PLCL2: variants seen among roughly 807,000 people sequenced by gnomAD.
The protein encoded by PLCL2 is inactive phospholipase C-like protein 2.
PLCL2 carries 4 observed loss-of-function variants against 79.6 expected under a neutral mutation model. That is an observed-to-expected ratio of 0.05 (90% CI 0.02 to 0.11). The LOEUF is 0.11. PLCL2 is among the 10% of genes least tolerant of loss of function. PLCL2 has a pLI of 1.00. For missense variants in PLCL2, 895 were observed against 1,291.0 expected (o/e 0.69, Z 4.70); for synonymous variants, 484 against 457.7 (o/e 1.06, Z -0.73).
chr3:17,027,850 A>C (rs1161913472), intron 3 of PLCL2, among the ~76,000 whole-genome samples: 2 of 152,216 alleles, frequency 1.3e-5, no homozygotes, highest in African/African-American at 4.8e-5. Flanking sequence ...CAAGAGGTGG[A>C]AACTAAAAGA....
chr3:17,051,382 C>T (rs2124928778), intron 4 of PLCL2, among the ~76,000 whole-genome samples: 1 of 152,144 alleles, frequency 6.6e-6, no homozygotes, highest in South Asian at 2.1e-4. Flanking sequence ...TTATGCATTA[C>T]ATGCCTGTAT....
intron 5 of PLCL2, among the ~76,000 whole-genome samples, chr3:17,081,831 T>G (rs2065165406): frequency 6.6e-6 from 1 of 152,238 alleles, no homozygotes; most frequent in African/African-American, 2.4e-5. Flanking sequence ...TAGTTACATC[T>G]TTTAAAGATT....
chr3:16,958,934 G>A (rs908210392), intron 1 of PLCL2, among the ~76,000 whole-genome samples: 3 of 152,044 alleles, frequency 2.0e-5, no homozygotes, highest in Non-Finnish European at 4.4e-5. Context: ...TCCCTCTTTT[G>A]GGATTAGTTA....
At chr3:17,001,281 T>C (rs966698575) in intron 1 of PLCL2, among the ~76,000 whole-genome samples, 1 of 152,006 alleles carries the variant, frequency 6.6e-6, no homozygotes, top group Non-Finnish European at 1.5e-5. Flanking sequence ...TAATGCCTCA[T>C]TGGACAGTTT....
intron 1 of PLCL2, among the ~76,000 whole-genome samples, chr3:16,995,000 G>C (rs918806745): frequency 1.3e-5 from 2 of 152,262 alleles, no homozygotes; most frequent in Admixed American, 1.3e-4. Flanking sequence ...GCACAGGCCA[G>C]TGCCTGCAGG....
Position 17,061,552 on chromosome 3 carries a change from A to G in PLCL2, c.3095-6404A>G, listed in dbSNP as rs141230571. Among the ~76,000 whole-genome samples, 5 of 152,234 alleles carry G rather than the reference A, an allele frequency of 3.3e-5. No individual in the cohort carries two copies. The East Asian group carries it at 9.6e-4, about 29-fold the overall frequency. The stretch of plus-strand genomic sequence containing the variant: ...TTAAGCTTTTAAGCCCTTCAGGAAA[A>G]AACTATTTAAAATATTTAAATTATA... On this transcript the variant is annotated intron_variant, in intron 4 of 5. Coordinates refer to ENST00000615277, the MANE Select transcript of PLCL2 (RefSeq NM_001144382.2).
chr3:17,049,170 T>G, intron 4 of PLCL2, among the ~76,000 whole-genome samples: 1 of 152,116 alleles, frequency 6.6e-6, no homozygotes, highest in East Asian at 1.9e-4. Flanking sequence ...AAGGCACACC[T>G]ATAGACTAAT....
At chr3:16,999,856 T>G (rs1402560722) in intron 1 of PLCL2, among the ~76,000 whole-genome samples, 4 of 152,232 alleles carry the variant, frequency 2.6e-5, no homozygotes, top group Admixed American at 2.6e-4. Context: ...TTTCCCAGAT[T>G]GTCATTTCTC....
At chr3:17,037,342 G>A (rs757119013) in intron 3 of PLCL2, among the ~76,000 whole-genome samples, 1 of 152,124 alleles carries the variant, frequency 6.6e-6, no homozygotes, top group Non-Finnish European at 1.5e-5. Context: ...AGGGCCAGGT[G>A]TATACTGCAC....
chr3:16,890,596 A>G (rs1696323311), intron 1 of PLCL2, among the ~76,000 whole-genome samples: 1 of 152,206 alleles, frequency 6.6e-6, no homozygotes, highest in African/African-American at 2.4e-5. Flanking sequence ...CCTTCTTAAT[A>G]CTAAGTTTTG....
In PLCL2 at chr3:16,956,597, A is replaced by T. The variant is rs2063708107; in HGVS notation, c.328-53077A>T. On this transcript the variant is annotated intron_variant, in intron 1 of 5. Coordinates refer to ENST00000615277, the MANE Select transcript of PLCL2 (RefSeq NM_001144382.2). ...TTCTATTGATTGGAATAGTTTCAGA[A>T]GGAATGGTACCAGCTCCTCCTTGTA... Among the ~76,000 whole-genome samples, 3 of 152,178 alleles carry T rather than the reference A, an allele frequency of 2.0e-5. No homozygotes were observed. In the South Asian group the frequency reaches 6.2e-4, roughly 32 times the overall value.
chr3:16,981,150 G>GGGGAGAGGGAGAGGGAGACTCGGGGGAGA (rs2063992809), intron 1 of PLCL2, among the ~76,000 whole-genome samples: 1 of 150,546 alleles, frequency 6.6e-6, no homozygotes, highest in Admixed American at 6.6e-5. Context: ...GGGAGACTCG[G>GGGGAGAGGGAGAGGGAGACTCGGGGGAGA]GGGAGAGGGA....
chr3:16,956,722 G>A (rs1232283763), intron 1 of PLCL2, among the ~76,000 whole-genome samples: 51 of 152,232 alleles, frequency 3.4e-4, no homozygotes, highest in African/African-American at 4.8e-4. Context: ...TTATTGGTCT[G>A]TTCAGAGATT....
chr3:16,907,239 T>TA (rs961759731), intron 1 of PLCL2, among the ~76,000 whole-genome samples: 3 of 152,136 alleles, frequency 2.0e-5, no homozygotes, highest in African/African-American at 7.2e-5. Context: ...CATGATAGTC[T>TA]AAAAAAATAG....
chr3:16,915,612 C>G (rs1450438150), intron 1 of PLCL2, among the ~76,000 whole-genome samples: 1 of 152,028 alleles, frequency 6.6e-6, no homozygotes, highest in East Asian at 1.9e-4. Flanking sequence ...TTTTTTTCCT[C>G]TTCTTATTCA....
chr3:17,010,284 A>C lies in PLCL2; in HGVS notation c.938A>C (p.Lys313Thr), dbSNP rs779371103. ...ACGAGCAAAATTGAGCTTAAGTTCA[A>C]AGAATTGCATAAATCAAAGGACAAA... ...LKTSKIELKF[K>T]ELHKSKDKAG... The change falls in exon 2 of 6, where the codon AAA becomes ACA. Residue 313 changes from lysine (K) to threonine (T), a missense_variant. Transcript: ENST00000615277. This position sits in a 1 kb window ranked among gnomAD's most constrained non-coding sequence, Gnocchi z 5.8. 3.1e-6 allele frequency: 5 copies of C among 1,614,102 alleles called. No individual in the cohort carries two copies. The highest frequency in any genetic ancestry group is 4.2e-6 in the Non-Finnish European group (5 of 1,179,976).
At chr3:16,980,900 G>T (rs990875569) in intron 1 of PLCL2, among the ~76,000 whole-genome samples, 3 of 152,250 alleles carry the variant, frequency 2.0e-5, no homozygotes, top group Non-Finnish European at 4.4e-5. Flanking sequence ...TCGGGAGGCC[G>T]AGGCTGGCGG....
intron 1 of PLCL2, among the ~76,000 whole-genome samples, chr3:16,965,405 G>A (rs1369714047): frequency 2.0e-5 from 3 of 152,128 alleles, no homozygotes; most frequent in Non-Finnish European, 4.4e-5. Flanking sequence ...CCAGTACCAT[G>A]CTGTTTTGGT....
rs546612778 is a variant in PLCL2 at position 17,014,415 on chromosome 3, A to G, written c.2815-293A>G. Among the ~76,000 whole-genome samples the G allele has an allele frequency of 1.2e-4, 19 of 152,318 alleles. No homozygotes were observed. The South Asian group carries it at 2.1e-3, about 17-fold the overall frequency. On this transcript the variant is annotated intron_variant, in intron 2 of 5. Coordinates refer to ENST00000615277, the MANE Select transcript of PLCL2 (RefSeq NM_001144382.2). The stretch of plus-strand genomic sequence containing the variant: ...TTGCTCATAGTTGCATATCCGCATC[A>G]GCACTACTATGAACTTTGGGCTGAA...
Sources: gnomAD v4.1 joint callset for allele counts (sites outside exome capture counted in the v4.1 genomes callset) on GRCh38, gnomAD v4.1.1 for gene constraint, Gnocchi (gnomAD v3.1) non-coding constraint, MANE v1.5 for transcripts, NCBI Gene and HGNC (gene_info 2026-07-23, HGNC 2026-07-21) for gene names.